The following KMT2E variants were observed in gnomAD, a reference collection of about 807,000 sequenced individuals.
KMT2E encodes the protein histone reader KMT2E.
A neutral mutation model predicts 184.6 loss-of-function variants in KMT2E; 30 were observed. That is an observed-to-expected ratio of 0.16 (90% CI 0.12 to 0.22). KMT2E has a LOEUF of 0.22. Ranked by LOEUF, KMT2E falls within the 10% of genes least tolerant of loss-of-function variation. The pLI is 1.00. For missense variants in KMT2E, 2,023 were observed against 2,237.4 expected (o/e 0.90, Z 1.93); for synonymous variants, 815 against 776.5 (o/e 1.05, Z -0.82).
chr7:105,074,832 T>C lies in KMT2E; in HGVS notation c.729+17T>C. 6.3e-7 allele frequency: 1 copy of C among 1,584,148 alleles called. No individual in the cohort carries two copies. The highest frequency in any genetic ancestry group is 8.6e-7 in the Non-Finnish European group (1 of 1,165,454). On this transcript the variant is annotated intron_variant, in intron 8 of 26. Coordinates refer to ENST00000311117, the MANE Select transcript of KMT2E (RefSeq NM_182931.3). ...TGTAAAAAGGTACGTTTTTGCTTGT[T>C]TTTAGGTGAGTGGATAGGATAGCGG...
intron 1 of KMT2E, among the ~76,000 whole-genome samples, chr7:105,027,717 C>A (rs1031292368): frequency 6.6e-6 from 1 of 152,054 alleles, no homozygotes; most frequent in Non-Finnish European, 1.5e-5. Context: ...GAGGAGGAAG[C>A]TGATCTTGGG....
chr7:105,107,601 G>T lies in KMT2E; in HGVS notation c.3144G>T (p.Glu1048Asp). 3 of 1,614,142 alleles carry T rather than the reference G, an allele frequency of 1.9e-6. No individual in the cohort carries two copies. The highest frequency in any genetic ancestry group is 2.2e-5 in the South Asian group (2 of 91,084). The change falls in exon 22 of 27, where the codon GAG becomes GAT. Residue 1048 changes from glutamate to aspartate, a missense_variant. Glu to Asp is a conservative substitution (Grantham distance 45). Around this residue, in one of 8 missense-constraint regions of KMT2E, gnomAD observed 1,108 missense variants for 1,050.9 expected, o/e 1.05. Coordinates refer to ENST00000311117, the MANE Select transcript of KMT2E (RefSeq NM_182931.3). ...TLETPAHDRAEPNSQLDSTHS... is the reference protein window; with the variant it reads ...TLETPAHDRADPNSQLDSTHS... ...AAACGCCTGCACATGACAGGGCTGA[G>T]CCCAACAGCCAACTGGACTCGACTC...
At chr7:105,050,970 A>G (rs1297878888) in intron 3 of KMT2E, among the ~76,000 whole-genome samples, 1 of 151,680 alleles carries the variant, frequency 6.6e-6, no homozygotes, top group Admixed American at 6.6e-5. Context: ...CAAGTGGTCC[A>G]CCTGCCTCGG....
chr7:105,025,404 T>G (rs1477770877), intron 1 of KMT2E, among the ~76,000 whole-genome samples: 1 of 152,170 alleles, frequency 6.6e-6, no homozygotes, highest in Non-Finnish European at 1.5e-5. Flanking sequence ...TGGAAAAAAG[T>G]AAAAAAGTAA....
intron 6 of KMT2E, among the ~76,000 whole-genome samples, chr7:105,071,598 ATATATATATATTTTTT>A (rs1562906496): frequency 1.4e-3 from 87 of 63,244 alleles, no homozygotes; most frequent in African/African-American, 5.5e-3. Flanking sequence ...ATATATATAT[ATATATATATATTTTTT>A]TTTTTTTTTT....
rs1213574233 is a variant in KMT2E, at chr7:105,031,962, G to C, written c.-188-6164G>C. On this transcript the variant is annotated intron_variant, in intron 1 of 26. Transcript: ENST00000311117. ...GCGCGCCTGTAGTCCCGGCTACTTA[G>C]GAGGCTGAGGCGGGATAGTCTCTTG... Among the ~76,000 whole-genome samples, 6 of 148,078 alleles carry C rather than the reference G, an allele frequency of 4.1e-5. No individual in the cohort carries two copies. The South Asian group carries it at 1.1e-3, about 26-fold the overall frequency.
chr7:105,067,752 TGAGAGCCCAGGAGTTC>T (rs933441488), intron 6 of KMT2E, among the ~76,000 whole-genome samples: 92 of 152,258 alleles, frequency 6.0e-4, no homozygotes, highest in African/African-American at 2.2e-3. Flanking sequence ...AGGTAGATCA[TGAGAGCCCAGGAGTTC>T]GAGACCAGCT....
At chr7:105,022,562 G>GT (rs1240956999) in intron 1 of KMT2E, among the ~76,000 whole-genome samples, 1 of 151,978 alleles carries the variant, frequency 6.6e-6, no homozygotes, top group Non-Finnish European at 1.5e-5. Flanking sequence ...TATAGTTGAT[G>GT]TTTTTTTGAC....
At chr7:105,042,092 G>C (rs1795906359) in intron 3 of KMT2E, among the ~76,000 whole-genome samples, 1 of 152,162 alleles carries the variant, frequency 6.6e-6, no homozygotes, top group African/African-American at 2.4e-5. Flanking sequence ...CCAGGCTCAA[G>C]GGATTCTCAT....
At chr7:105,018,125 G>A (rs1397408128) in intron 1 of KMT2E, among the ~76,000 whole-genome samples, 1 of 152,086 alleles carries the variant, frequency 6.6e-6, no homozygotes, top group African/African-American at 2.4e-5. Flanking sequence ...TAATGTACTC[G>A]TTTTCATTCA....
intron 23 of KMT2E, among the ~76,000 whole-genome samples, chr7:105,109,921 G>T (rs1375432887): frequency 6.8e-6 from 1 of 147,056 alleles, no homozygotes; most frequent in East Asian, 2.0e-4. Flanking sequence ...TCGGCTCACT[G>T]CAAGCTCCAC....
intron 1 of KMT2E, among the ~76,000 whole-genome samples, chr7:105,024,733 T>G (rs747079866): frequency 6.6e-6 from 1 of 152,228 alleles, no homozygotes; most frequent in Non-Finnish European, 1.5e-5. Flanking sequence ...AATCAAGGTT[T>G]AAAATTTAGG....
intron 1 of KMT2E, among the ~76,000 whole-genome samples, chr7:105,037,708 C>A (rs1795716224): frequency 6.6e-6 from 1 of 152,056 alleles, no homozygotes; most frequent in Admixed American, 6.5e-5. Context: ...CTTCAGTCTT[C>A]CAGTTTTTCT....
intron 15 of KMT2E, among the ~76,000 whole-genome samples, chr7:105,098,294 A>G (rs1198375841): frequency 6.7e-6 from 1 of 150,322 alleles, no homozygotes; most frequent in Admixed American, 6.7e-5. Flanking sequence ...ACTGGAGTGC[A>G]GTGGTATGAC....
chr7:105,046,886 A>G (rs1437098959), intron 3 of KMT2E, among the ~76,000 whole-genome samples: 1 of 152,230 alleles, frequency 6.6e-6, no homozygotes, highest in African/African-American at 2.4e-5. Flanking sequence ...TGATGTGTCA[A>G]ATGTGATCCC....
chr7:105,045,042 G>T (rs1285434816), intron 3 of KMT2E, among the ~76,000 whole-genome samples: 23 of 152,180 alleles, frequency 1.5e-4, no homozygotes, highest in Admixed American at 1.5e-3. Context: ...AATTTTATCT[G>T]TTCCTCTAAT....
In KMT2E at chr7:105,051,220, T is replaced by G. The variant is rs1236000425; in HGVS notation, c.71+10197T>G. 3.4e-5 allele frequency among the ~76,000 whole-genome samples: 5 copies of G among 147,848 alleles called. No individual in the cohort carries two copies. In the East Asian group the frequency reaches 1.0e-3, roughly 30 times the overall value. On this transcript the variant is annotated intron_variant, in intron 3 of 26. Coordinates refer to ENST00000311117, the MANE Select transcript of KMT2E (RefSeq NM_182931.3). The stretch of plus-strand genomic sequence containing the variant: ...TCCTTTTTTAGATGGAGTTTCGCTC[T>G]TGTTGCCCAGGCTGGAGTGCAATGG...
At position 105,078,826 on chromosome 7, in the gene KMT2E, T is replaced by TAA; in HGVS notation, c.1131-19_1131-18dup. 7.3e-7 allele frequency: 1 copy of TAA among 1,375,170 alleles called. No homozygotes were observed. Among genetic ancestry groups the TAA allele is most frequent in the Non-Finnish European group, 1.0e-6 (1 of 963,380 alleles). 85.2% of individuals were successfully genotyped at this position (1,375,170 alleles called of 1,614,324 possible). ...CCCGGCCTAAAATGTTAATAGCTTATAATGTTTCTTTCTTTGTAGACCATA... is the reference window on the plus strand; with the variant it reads ...CCCGGCCTAAAATGTTAATAGCTTATAAAATGTTTCTTTCTTTGTAGACCATA... On this transcript the variant is annotated intron_variant, in intron 11 of 26. Transcript: ENST00000311117.
At chr7:105,041,048 A>C in intron 3 of KMT2E, 25 bp downstream of exon 3, 3 of 1,158,478 alleles carry the variant, frequency 2.6e-6, no homozygotes, top group South Asian at 1.4e-5. Context: ...TGGTTACATA[A>C]GCAAAAAAAA....
Sources: gnomAD v4.1 joint callset for allele counts (sites outside exome capture counted in the v4.1 genomes callset) on GRCh38, gnomAD v4.1.1 for gene constraint, gnomAD v4.1.1 regional missense constraint, MANE v1.5 for transcripts, NCBI Gene and HGNC (gene_info 2026-07-23, HGNC 2026-07-21) for gene names.